Variants in NGEF observed in about 807,000 individuals in gnomAD.
NGEF encodes the protein ephexin-1.
Under a neutral mutation model 80.9 loss-of-function variants are expected in NGEF, and 31 were observed. The ratio of observed to expected loss-of-function variants is 0.38; its 90% confidence interval spans 0.29 to 0.52. NGEF has a LOEUF of 0.52. Ranked by LOEUF, NGEF falls within the 20% of genes least tolerant of loss-of-function variation. The pLI is 0.84. For missense variants in NGEF, 709 were observed against 926.2 expected (o/e 0.77, Z 3.04); for synonymous variants, 371 against 370.2 (o/e 1.00, Z -0.03).
At chr2:232,888,394 G>GCACACGTGCACATATGCATGCA (rs1691768326) in intron 8 of NGEF, among the ~76,000 whole-genome samples, 1 of 151,406 alleles carries the variant, frequency 6.6e-6, no homozygotes, top group African/African-American at 2.4e-5. Flanking sequence ...ATGCATACAA[G>GCACACGTGCACATATGCATGCA]CACACGTGCA....
In NGEF at chr2:232,905,054, GCTCTCTC is replaced by G. The variant is rs922562074; in HGVS notation, c.829-10145_829-10139del. Among the ~76,000 whole-genome samples, 53 of 151,810 alleles carry G rather than the reference GCTCTCTC, an allele frequency of 3.5e-4. 1 individual carries two copies. The highest frequency in any genetic ancestry group is 1.1e-3 in the African/African-American group (45 of 41,168). ...TTTTTACTTTAAAAGGAGGAAAACAGCTCTCTCCTCTCTCCTCTCCCCTCTCCCCTCT... is the reference window on the plus strand; with the variant it reads ...TTTTTACTTTAAAAGGAGGAAAACAGCTCTCTCCTCTCCCCTCTCCCCTCT... On this transcript the variant is annotated intron_variant, in intron 5 of 14. Transcript: ENST00000264051.
rs1693089948 is a variant in NGEF at position 232,927,167 on chromosome 2, C to G, written c.403G>C (p.Gly135Arg). 1 of 1,599,034 alleles carries G rather than the reference C, an allele frequency of 6.3e-7. No homozygotes were observed. The highest frequency in any genetic ancestry group is 1.1e-5 in the South Asian group (1 of 89,338). Residue 135 changes from glycine (G) to arginine (R), a missense_variant, in exon 4 of 15, where the codon GGA becomes CGA. By Grantham distance (125) the Gly-to-Arg change is moderately radical (BLOSUM62 -2). Around this residue, in one of 2 missense-constraint regions of NGEF, gnomAD observed 283 missense variants for 303.4 expected, o/e 0.93. Coordinates refer to ENST00000264051, the MANE Select transcript of NGEF (RefSeq NM_019850.3). ...CACTCCTCGGGCGTGGCCCCATTTC[C>G]CGGGGTGGAGGACGACTCACTGCCA... ...QEMSESSSTP[G>R]NGATPEEWPA... is the part of the protein sequence containing the mutation.
chr2:233,011,734 T>A (rs1695208450), intron 1 of NGEF, among the ~76,000 whole-genome samples: 1 of 152,124 alleles, frequency 6.6e-6, no homozygotes, highest in South Asian at 2.1e-4. Flanking sequence ...ACTACAGGCA[T>A]GCATCAGCTC....
At chr2:232,926,938 G>T (rs2592127) in intron 4 of NGEF, 106 bp downstream of exon 4, 607,757 of 1,433,488 alleles carry the variant, frequency 0.42, 131,187 homozygotes, top group Admixed American at 0.45. Context: ...GTCAGACGCA[G>T]TCCTTCGTAT....
At chr2:232,977,638 G>T (rs116056241) in intron 1 of NGEF, among the ~76,000 whole-genome samples, 4 of 152,280 alleles carry the variant, frequency 2.6e-5, no homozygotes, top group East Asian at 1.9e-4. Context: ...GGGTGGGAGT[G>T]GGGGTGGATG....
intron 5 of NGEF, among the ~76,000 whole-genome samples, chr2:232,896,837 T>C (rs1387700998): frequency 6.7e-5 from 4 of 59,988 alleles, no homozygotes; most frequent in East Asian, 1.1e-3. Context: ...AGGGTAGGGT[T>C]GAGGGTGGGG....
intron 5 of NGEF, among the ~76,000 whole-genome samples, chr2:232,897,280 G>C (rs1393925964): frequency 6.6e-6 from 1 of 151,990 alleles, no homozygotes; most frequent in Non-Finnish European, 1.5e-5. Context: ...CAGGGTTAGA[G>C]GCATTTGTTC....
At chr2:232,980,000 G>A (rs1308508574) in intron 1 of NGEF, among the ~76,000 whole-genome samples, 2 of 152,162 alleles carry the variant, frequency 1.3e-5, no homozygotes, top group Admixed American at 6.5e-5. Flanking sequence ...GGCCAAGGTC[G>A]CATGGCTGGC....
chr2:232,882,116 C>G, intron 13 of NGEF, 70 bp downstream of exon 13: 1 of 1,401,056 alleles, frequency 7.1e-7, no homozygotes, highest in Non-Finnish European at 1.0e-6. Flanking sequence ...CAGGGCACAC[C>G]GTGCACCTGC....
intron 1 of NGEF, among the ~76,000 whole-genome samples, chr2:233,009,684 C>T (rs887761755): frequency 3.3e-5 from 5 of 151,944 alleles, no homozygotes; most frequent in Non-Finnish European, 7.4e-5. Flanking sequence ...GTCAGAGCTT[C>T]TAGCTTTGGG....
At chr2:232,978,162 T>C (rs75383151) in intron 1 of NGEF, among the ~76,000 whole-genome samples, 71,472 of 151,478 alleles carry the variant, frequency 0.47, 17,695 homozygotes, top group African/African-American at 0.59. Flanking sequence ...CATGAACTTT[T>C]TTTTTTTTTG....
intron 12 of NGEF, among the ~76,000 whole-genome samples, chr2:232,883,052 A>AACACACACAC (rs57854484): frequency 7.3e-5 from 11 of 150,378 alleles, no homozygotes; most frequent in African/African-American, 2.4e-4. Flanking sequence ...GCCCCAAGGG[A>AACACACACAC]ACACACACAC....
intron 1 of NGEF, among the ~76,000 whole-genome samples, chr2:233,003,497 T>C (rs1339278624): frequency 6.6e-6 from 1 of 152,170 alleles, no homozygotes; most frequent in East Asian, 1.9e-4. Flanking sequence ...ACCTTCCCCT[T>C]CCTTGCTAAT....
At chr2:232,987,660 G>A (rs961763662) in intron 1 of NGEF, among the ~76,000 whole-genome samples, 4 of 152,116 alleles carry the variant, frequency 2.6e-5, no homozygotes, top group Admixed American at 6.5e-5. Context: ...GGGTTATGGT[G>A]CTGAGATATG....
intron 8 of NGEF, chr2:232,891,124 G>A (rs988861616): frequency 3.3e-6 from 2 of 611,122 alleles, no homozygotes; most frequent in Non-Finnish European, 6.1e-6. Context: ...CCATTTGGCT[G>A]TCCCCAGGGC....
rs112663179 is a variant in NGEF at position 232,884,254 on chromosome 2, C to T, written c.1438-110G>A. 1.7e-5 allele frequency: 21 copies of T among 1,240,416 alleles called. No homozygotes were observed. The African/African-American group carries it at 2.3e-4, about 13-fold the overall frequency. 76.8% of individuals were successfully genotyped at this position (1,240,416 alleles called of 1,614,324 possible). On this transcript the variant is annotated intron_variant, in intron 10 of 14. Coordinates refer to ENST00000264051, the MANE Select transcript of NGEF (RefSeq NM_019850.3). ...CCCTGACACCTGCCCAGGGCCCCGA[C>T]ACATGAGGCACAAGTTGGGGGGAAA...
At chr2:232,989,947 C>A (rs1694619187) in intron 1 of NGEF, among the ~76,000 whole-genome samples, 1 of 152,096 alleles carries the variant, frequency 6.6e-6, no homozygotes, top group African/African-American at 2.4e-5. Flanking sequence ...GGAAAATTCA[C>A]CATGGTAAAG....
At chr2:232,954,505 C>T (rs34748742) in intron 3 of NGEF, among the ~76,000 whole-genome samples, 28,918 of 151,790 alleles carry the variant, frequency 0.19, 2,927 homozygotes, top group East Asian at 0.34. Context: ...GCAGGCGGAT[C>T]GTGAAATCAG....
At chr2:232,953,464 A>T (rs1011633741) in intron 3 of NGEF, among the ~76,000 whole-genome samples, 8 of 142,868 alleles carry the variant, frequency 5.6e-5, no homozygotes, top group South Asian at 2.2e-4. Flanking sequence ...CTCAAAAAAT[A>T]AAAAAAAAAG....
Sources: allele counts gnomAD v4.1 joint callset (sites outside exome capture counted in the v4.1 genomes callset), GRCh38; gene constraint gnomAD v4.1.1; regional missense constraint gnomAD v4.1.1; transcripts MANE v1.5; gene names NCBI Gene and HGNC (gene_info 2026-07-23, HGNC 2026-07-21).